SPATA17: variants seen among roughly 807,000 people sequenced by gnomAD.
The protein encoded by SPATA17 is spermatogenesis associated 17, also known as spermatogenesis-associated protein 17.
A neutral mutation model predicts 62.2 loss-of-function variants in SPATA17; 53 were observed. The observed-to-expected ratio is 0.85, with a 90% CI of 0.68 to 1.07. The LOEUF is 1.07. Among genes scored for constraint, SPATA17 ranks in the 50% least tolerant of loss-of-function variants. The pLI is 0.00. For missense variants in SPATA17, 466 were observed against 425.5 expected (o/e 1.10, Z -0.84); for synonymous variants, 146 against 146.8 (o/e 0.99, Z 0.04).
At chr1:217,745,510 T>C (rs1051359808) in intron 6 of SPATA17, among the ~76,000 whole-genome samples, 1 of 152,200 alleles carries the variant, frequency 6.6e-6, no homozygotes, top group African/African-American at 2.4e-5. Flanking sequence ...TTTTTCATCA[T>C]GATATTAAAA....
chr1:217,787,321 A>G (rs975909999), intron 8 of SPATA17, among the ~76,000 whole-genome samples: 2 of 152,142 alleles, frequency 1.3e-5, no homozygotes, highest in African/African-American at 4.8e-5. Context: ...ATGCCTTTCA[A>G]TGGCTTTTTA....
In SPATA17 at chr1:217,721,814, G is replaced by T. The variant is rs1457278251; in HGVS notation, c.396-20161G>T. Among the ~76,000 whole-genome samples, 4 of 152,108 alleles carry T rather than the reference G, an allele frequency of 2.6e-5. No individual in the cohort carries two copies. In the East Asian group the frequency reaches 7.7e-4, roughly 29 times the overall value. On this transcript the variant is annotated intron_variant, in intron 5 of 10. Coordinates refer to ENST00000366933, the MANE Select transcript of SPATA17 (RefSeq NM_138796.4). ...CTGGAACCATCCCTTATTGTCTCAA[G>T]GCTGTCTTATACAAATGATATTCTC...
chr1:217,793,381 C>T (rs1007591448), intron 8 of SPATA17, among the ~76,000 whole-genome samples: 3 of 152,056 alleles, frequency 2.0e-5, no homozygotes, highest in East Asian at 2.0e-4. Flanking sequence ...CCACCACACC[C>T]GGCTAATTTT....
chr1:217,753,206 A>G (rs1672957684), intron 6 of SPATA17, among the ~76,000 whole-genome samples: 1 of 152,172 alleles, frequency 6.6e-6, no homozygotes, highest in Admixed American at 6.5e-5. Flanking sequence ...CTATGAAAGC[A>G]AGGGGCCCCA....
intron 3 of SPATA17, among the ~76,000 whole-genome samples, chr1:217,656,455 A>G (rs906873174): frequency 6.6e-6 from 1 of 152,202 alleles, no homozygotes; most frequent in African/African-American, 2.4e-5. Flanking sequence ...TTTGAAAACA[A>G]AATCAAAATA....
chr1:217,647,992 G>A (rs1291853287), intron 1 of SPATA17, among the ~76,000 whole-genome samples: 1 of 151,928 alleles, frequency 6.6e-6, no homozygotes, highest in Non-Finnish European at 1.5e-5. Flanking sequence ...GAGAGTGCTG[G>A]GATTACAGGC....
intron 7 of SPATA17, among the ~76,000 whole-genome samples, chr1:217,778,921 C>G (rs1673666134): frequency 6.6e-6 from 1 of 152,126 alleles, no homozygotes; most frequent in African/African-American, 2.4e-5. Context: ...ACATGGCTTT[C>G]TTCCTCCATA....
At chr1:217,631,973 A>C (rs750361498) in intron 1 of SPATA17, among the ~76,000 whole-genome samples, 2 of 152,156 alleles carry the variant, frequency 1.3e-5, no homozygotes, top group African/African-American at 4.8e-5. Flanking sequence ...ACCTGAGGCC[A>C]GGAGTTCTAG....
intron 9 of SPATA17, among the ~76,000 whole-genome samples, chr1:217,829,627 C>CAAAAAAAA (rs397982930): frequency 0.022 from 1,022 of 46,768 alleles, 84 homozygotes; most frequent in Non-Finnish European, 0.026. Context: ...GACTCCATCT[C>CAAAAAAAA]AAAAAAAAAA....
At chr1:217,703,479 T>G (rs1671651363) in intron 5 of SPATA17, among the ~76,000 whole-genome samples, 1 of 152,202 alleles carries the variant, frequency 6.6e-6, no homozygotes, top group South Asian at 2.1e-4. Flanking sequence ...GCATATTTCA[T>G]TACTTTTTAT....
intron 5 of SPATA17, chr1:217,737,827 CT>C (rs35634441): frequency 2.4e-3 from 325 of 138,244 alleles, no homozygotes; most frequent in African/African-American, 4.5e-3. Flanking sequence ...TGCTTGTTGT[CT>C]TTTTTTTTTT....
At chr1:217,667,224 G>A (rs1468010805) in intron 3 of SPATA17, among the ~76,000 whole-genome samples, 1 of 150,550 alleles carries the variant, frequency 6.6e-6, no homozygotes, top group Non-Finnish European at 1.5e-5. Context: ...CTTTTTTGTA[G>A]TTTTAGTAGA....
chr1:217,823,935 G>C (rs920026018), intron 9 of SPATA17, among the ~76,000 whole-genome samples: 1 of 151,698 alleles, frequency 6.6e-6, no homozygotes, highest in Admixed American at 6.6e-5. Context: ...CTTTCTTTGG[G>C]TTTCCATTTT....
At chr1:217,695,601 GT>G (rs1304866364) in intron 5 of SPATA17, among the ~76,000 whole-genome samples, 1 of 27,596 alleles carries the variant, frequency 3.6e-5, no homozygotes, top group Non-Finnish European at 6.3e-5. Flanking sequence ...TTTCTGTTCT[GT>G]TTTTTCCCCA....
intron 8 of SPATA17, among the ~76,000 whole-genome samples, chr1:217,791,770 A>G (rs1673999480): frequency 6.6e-6 from 1 of 152,224 alleles, no homozygotes. Context: ...GCCCTGAGTG[A>G]AAGATCAGAT....
chr1:217,808,557 C>T (rs1674501535), intron 9 of SPATA17, among the ~76,000 whole-genome samples: 1 of 152,108 alleles, frequency 6.6e-6, no homozygotes, highest in Admixed American at 6.6e-5. Context: ...AGGCATCTTT[C>T]TAAAAGCAAA....
chr1:217,723,262 T>G (rs1672182267), intron 5 of SPATA17, among the ~76,000 whole-genome samples: 1 of 152,192 alleles, frequency 6.6e-6, no homozygotes, highest in South Asian at 2.1e-4. Context: ...AGGATTGGGA[T>G]CACTTCCTCG....
chr1:217,698,259 C>A (rs1456755024), intron 5 of SPATA17, among the ~76,000 whole-genome samples: 1 of 152,022 alleles, frequency 6.6e-6, no homozygotes, highest in East Asian at 1.9e-4. Context: ...CATAGTAAAA[C>A]CCTGTCTCTA....
At chr1:217,761,084 G>A (rs1184711477) in intron 6 of SPATA17, among the ~76,000 whole-genome samples, 2 of 152,100 alleles carry the variant, frequency 1.3e-5, no homozygotes, top group Non-Finnish European at 2.9e-5. Context: ...CTACTCTACT[G>A]AAAATAACTC....
Sources: gnomAD v4.1 joint callset for allele counts (sites outside exome capture counted in the v4.1 genomes callset) on GRCh38, gnomAD v4.1.1 for gene constraint, MANE v1.5 for transcripts, NCBI Gene and HGNC (gene_info 2026-07-23, HGNC 2026-07-21) for gene names.